The following MPRIP variants were observed in gnomAD, a reference collection of about 807,000 sequenced individuals.
MPRIP encodes myosin phosphatase Rho interacting protein.
Under a neutral mutation model 234.9 loss-of-function variants are expected in MPRIP, and 59 were observed. The ratio of observed to expected loss-of-function variants is 0.25; its 90% CI spans 0.20 to 0.31. The LOEUF is 0.31. MPRIP is among the 10% of genes least tolerant of loss of function. The pLI, the probability that MPRIP is intolerant of heterozygous loss-of-function variation, is 1.00. For missense variants in MPRIP, 2,436 were observed against 3,071.0 expected (o/e 0.79, Z 4.89); for synonymous variants, 1,144 against 1,263.9 (o/e 0.91, Z 2.01).
intron 3 of MPRIP, among the ~76,000 whole-genome samples, chr17:17,122,347 ATTTG>A: frequency 6.6e-6 from 1 of 151,554 alleles, no homozygotes; most frequent in East Asian, 1.9e-4. Flanking sequence ...TTTTTTGTTT[ATTTG>A]TTTTGTTTTG....
chr17:17,185,000 CTGT>C lies in MPRIP; in HGVS notation c.*113_*115del, dbSNP rs1245483988. 5.3e-6 allele frequency: 4 copies of C among 751,922 alleles called. No homozygotes were observed. The highest frequency in any genetic ancestry group is 3.0e-5 in the South Asian group (2 of 66,254). The allele number at this position is 751,922 out of a possible 1,614,324, so 46.6% of individuals were successfully genotyped here. A position where few individuals can be genotyped will look rare whatever the true frequency, so the allele number is the denominator to read the frequency against. On this transcript the variant is annotated 3_prime_UTR_variant, in exon 24 of 24. Transcript: ENST00000651222. ...TGTTTTATTATTATTATTATTATTG[CTGT>C]TGTTGTCATCGTTAACTGTGGGCAT...
chr17:17,044,272 G>A (rs2088276152), intron 1 of MPRIP, among the ~76,000 whole-genome samples: 1 of 152,200 alleles, frequency 6.6e-6, no homozygotes, highest in Non-Finnish European at 1.5e-5. Context: ...TACCTCGGAG[G>A]GTGTTTTGGA....
intron 2 of MPRIP, among the ~76,000 whole-genome samples, chr17:17,076,643 A>G (rs1233592859): frequency 6.6e-6 from 1 of 152,080 alleles, no homozygotes. Context: ...CCTCCTCTAC[A>G]CACCCAGCAT....
intron 1 of MPRIP, among the ~76,000 whole-genome samples, chr17:17,047,161 A>G (rs1449361314): frequency 6.6e-6 from 1 of 152,220 alleles, no homozygotes; most frequent in Non-Finnish European, 1.5e-5. Context: ...AGCCTGGGCA[A>G]CAAAGTGAGA....
At position 17,190,741 on chromosome 17, in the gene MPRIP, A is replaced by G. The variant is rs769769137; in HGVS notation, c.*5847A>G. 1.2e-4 allele frequency: 19 copies of G among 152,076 alleles called. No homozygotes were observed. Among genetic ancestry groups the G allele is most frequent in the Admixed American group, 2.6e-4 (4 of 15,254 alleles). 9.4% of individuals were successfully genotyped at this position (152,076 alleles called of 1,614,324 possible). A position where few individuals can be genotyped will look rare whatever the true frequency, so the allele number is the denominator to read the frequency against. Reference sequence around the variant, plus strand: ...CTAGATCATCCCTAGAGATGGGGCAAGTTTCTGTCTGAACACGTCTTGGGT... The same window carrying G: ...CTAGATCATCCCTAGAGATGGGGCAGGTTTCTGTCTGAACACGTCTTGGGT... On this transcript the variant is annotated 3_prime_UTR_variant, in exon 24 of 24. Transcript: ENST00000651222.
Position 17,051,115 on chromosome 17 carries a change from G to T in MPRIP, c.123+8144G>T, listed in dbSNP as rs561056875. Among the ~76,000 whole-genome samples the T allele has an allele frequency of 4.1e-4, 62 of 152,290 alleles. 1 individual carries two copies. In the East Asian group the frequency reaches 7.5e-3, roughly 18 times the overall value. On this transcript the variant is annotated intron_variant, in intron 1 of 23. Coordinates refer to ENST00000651222, the MANE Select transcript of MPRIP (RefSeq NM_001364716.4). ...CAGAGTAGTGTGCTGATGGAATGGGGAGTTCCTGAGCCCCCCATGTGGTGA... is the reference window on the plus strand; with the variant it reads ...CAGAGTAGTGTGCTGATGGAATGGGTAGTTCCTGAGCCCCCCATGTGGTGA...
chr17:17,053,484 A>G (rs1402691725), intron 1 of MPRIP, among the ~76,000 whole-genome samples: 1 of 152,312 alleles, frequency 6.6e-6, no homozygotes, highest in Non-Finnish European at 1.5e-5. Flanking sequence ...TTTATCAGCA[A>G]TAAACCATGT....
chr17:17,179,973 AGG>A (rs1422033706), intron 22 of MPRIP, 28 bp from the exon 23 acceptor site: 20 of 1,543,688 alleles, frequency 1.3e-5, no homozygotes, highest in Non-Finnish European at 1.5e-5. Context: ...CAAAGGTAAC[AGG>A]TCTGTTTGTT....
chr17:17,144,453 A>G (rs763968932), intron 9 of MPRIP, among the ~76,000 whole-genome samples: 2 of 152,234 alleles, frequency 1.3e-5, no homozygotes, highest in Admixed American at 6.5e-5. Context: ...CTTCCCCAAC[A>G]GAGAACACCA....
chr17:17,127,135 C>A (rs772450568), intron 4 of MPRIP, among the ~76,000 whole-genome samples: 4 of 152,222 alleles, frequency 2.6e-5, no homozygotes. Context: ...ACTCACCTGC[C>A]CCTCCACCTG....
chr17:17,163,178 AG>A (rs2045909311), intron 15 of MPRIP, among the ~76,000 whole-genome samples: 1 of 152,136 alleles, frequency 6.6e-6, no homozygotes, highest in Middle Eastern at 3.4e-3. Context: ...TGCTGGGAGG[AG>A]CTTGCATGAT....
At chr17:17,074,797 T>C (rs1165956278) in intron 1 of MPRIP, among the ~76,000 whole-genome samples, 1 of 152,216 alleles carries the variant, frequency 6.6e-6, no homozygotes, top group Non-Finnish European at 1.5e-5. Flanking sequence ...TCCTCGGTGT[T>C]GTGGTGTATG....
At chr17:17,142,517 A>G in intron 7 of MPRIP, 110 bp from the exon 8 acceptor site, 1 of 1,326,562 alleles carries the variant, frequency 7.5e-7, no homozygotes, top group Non-Finnish European at 1.1e-6. Flanking sequence ...GTGCTGTGCA[A>G]GCCTGAGGGG....
chr17:17,114,576 C>A (rs1202976505), intron 3 of MPRIP, among the ~76,000 whole-genome samples: 1 of 152,166 alleles, frequency 6.6e-6, no homozygotes, highest in East Asian at 1.9e-4. Flanking sequence ...ATTTCAAGTT[C>A]ATTGTTGCAT....
intron 5 of MPRIP, among the ~76,000 whole-genome samples, chr17:17,132,500 G>A (rs1165122306): frequency 1.3e-5 from 2 of 152,218 alleles, no homozygotes; most frequent in Admixed American, 6.5e-5. Context: ...ATAGTCACCC[G>A]AGAGGGAGCA....
intron 1 of MPRIP, among the ~76,000 whole-genome samples, chr17:17,065,130 T>G (rs796381317): frequency 6.6e-6 from 1 of 152,226 alleles, no homozygotes; most frequent in South Asian, 2.1e-4. Flanking sequence ...TGGATTGTTT[T>G]GTGTTTTCAC....
intron 3 of MPRIP, among the ~76,000 whole-genome samples, chr17:17,089,610 G>A (rs889763916): frequency 6.6e-6 from 1 of 152,124 alleles, no homozygotes; most frequent in African/African-American, 2.4e-5. Flanking sequence ...TGGGATTACA[G>A]ATGCTCCGGT....
chr17:17,190,627 T>G lies in MPRIP; in HGVS notation c.*5733T>G, dbSNP rs2046568085. The G allele has an allele frequency of 1.3e-5, 2 of 152,228 alleles. No individual in the cohort carries two copies. Among genetic ancestry groups the G allele is most frequent in the Admixed American group, 1.3e-4 (2 of 15,290 alleles). 9.4% of individuals were successfully genotyped at this position (152,228 alleles called of 1,614,324 possible). ...ACTGTGAGCTTCAAGTATTCTTGCTTCTCTGTAAAGGGAAGACATCTCCCT... is the reference window on the plus strand; with the variant it reads ...ACTGTGAGCTTCAAGTATTCTTGCTGCTCTGTAAAGGGAAGACATCTCCCT... On this transcript the variant is annotated 3_prime_UTR_variant, in exon 24 of 24. Coordinates refer to ENST00000651222, the MANE Select transcript of MPRIP (RefSeq NM_001364716.4).
In MPRIP at chr17:17,172,681, C is replaced by A; in HGVS notation, c.6473-17C>A. ...GGGCGTGGTCCCTCGGTGCTGAGGC[C>A]GTGTCCTTGCCTGCAGCCATCGAAG... is the stretch of plus-strand genomic sequence containing the variant. On this transcript the variant is annotated splice_polypyrimidine_tract_variant and intron_variant, in intron 17 of 23. Transcript: ENST00000651222. The A allele has an allele frequency of 1.2e-6, 2 of 1,605,616 alleles. No homozygotes were observed. The highest frequency in any genetic ancestry group is 8.5e-7 in the Non-Finnish European group (1 of 1,175,684).
Sources: gnomAD v4.1 joint callset for allele counts (sites outside exome capture counted in the v4.1 genomes callset) on GRCh38, gnomAD v4.1.1 for gene constraint, MANE v1.5 for transcripts, NCBI Gene and HGNC (gene_info 2026-07-23, HGNC 2026-07-21) for gene names.